Variants in PAK5 observed in about 807,000 individuals in gnomAD.
The protein encoded by PAK5 is serine/threonine-protein kinase PAK 5.
In PAK5, 16 loss-of-function variants were observed where a neutral mutation model predicts 65.9. The ratio of observed to expected loss-of-function variants is 0.24; its 90% CI spans 0.16 to 0.37. PAK5 has a LOEUF of 0.37. PAK5 is among the 10% of genes least tolerant of loss of function. The probability of loss-of-function intolerance (pLI) is 1.00; values close to 1 mark genes in which losing one functional copy is unlikely to be tolerated. For missense variants in PAK5, 785 were observed against 903.9 expected, an observed-to-expected ratio of 0.87 and a Z score of 1.69; for synonymous variants, 371 against 354.9, an observed-to-expected ratio of 1.05 and a Z score of -0.51.
intron 1 of PAK5, among the ~76,000 whole-genome samples, chr20:9,754,317 G>T (rs2423463): frequency 0.52 from 79,470 of 151,866 alleles, 20,987 homozygotes; most frequent in Admixed American, 0.63. Flanking sequence ...GGAGACTGGG[G>T]TTTCTTAAGG....
Position 9,542,593 on chromosome 20 carries a change from A to C in PAK5, c.1997T>G (p.Leu666Arg). 2.5e-6 allele frequency: 4 copies of C among 1,614,136 alleles called. No homozygotes were observed. Among genetic ancestry groups the C allele is most frequent in the Non-Finnish European group, 2.5e-6 (3 of 1,179,980 alleles). Residue 666 changes from leucine (L) to arginine (R), a missense_variant, in exon 9 of 10, where the codon CTA becomes CGA. By Grantham distance (102) the Leu-to-Arg change is moderately radical. This residue lies in a region of PAK5 where 110 missense variants were observed against 107.4 expected (regional missense o/e 1.02). Transcript: ENST00000353224. Reference protein sequence around the residue: ...RDSLPPRVKDLHKVSSVLRGF... With the variant: ...RDSLPPRVKDRHKVSSVLRGF... ...ACAGCTGCTGTTTCTCACCTTGTGT[A>C]GGTCCTTCACTCTTGGAGGTAAACT...
At chr20:9,595,148 A>T (rs1344210366) in intron 3 of PAK5, among the ~76,000 whole-genome samples, 2 of 151,710 alleles carry the variant, frequency 1.3e-5, no homozygotes, top group African/African-American at 4.8e-5. Flanking sequence ...GATAGTATCA[A>T]ATAAAAAAAA....
chr20:9,651,537 T>C (rs1012095856), intron 2 of PAK5, among the ~76,000 whole-genome samples: 27 of 152,228 alleles, frequency 1.8e-4, no homozygotes, highest in Non-Finnish European at 2.9e-5. Context: ...TTAAGGTTAA[T>C]GACATGGATG....
intron 3 of PAK5, among the ~76,000 whole-genome samples, chr20:9,613,261 G>C (rs781271358): frequency 1.3e-5 from 2 of 152,250 alleles, no homozygotes; most frequent in Admixed American, 6.5e-5. Flanking sequence ...TCTTAGTTCT[G>C]TCAGAGAAGT....
intron 1 of PAK5, among the ~76,000 whole-genome samples, chr20:9,777,601 G>C (rs897118182): frequency 1.3e-5 from 2 of 152,108 alleles, no homozygotes; most frequent in Non-Finnish European, 2.9e-5. Flanking sequence ...CATAAGAAGA[G>C]ACTTATACAA....
intron 2 of PAK5, among the ~76,000 whole-genome samples, chr20:9,690,753 T>TCTTTC (rs201074141): frequency 2.2e-5 from 2 of 91,804 alleles, no homozygotes; most frequent in South Asian, 3.1e-4. Flanking sequence ...TTTCTTTCTT[T>TCTTTC]TTTTTTTTTT....
intron 3 of PAK5, among the ~76,000 whole-genome samples, chr20:9,604,829 C>A (rs560694906): frequency 3.9e-5 from 6 of 152,262 alleles, no homozygotes; most frequent in African/African-American, 1.4e-4. Flanking sequence ...GCTAGGCATT[C>A]TATGGCAGGG....
chr20:9,740,227 C>A (rs1282693468), intron 1 of PAK5, among the ~76,000 whole-genome samples: 2 of 152,150 alleles, frequency 1.3e-5, no homozygotes, highest in South Asian at 4.1e-4. Flanking sequence ...GGTGCTCGCA[C>A]AACCGAAGGA....
intron 7 of PAK5, among the ~76,000 whole-genome samples, chr20:9,550,288 T>C (rs1483852959): frequency 6.6e-6 from 1 of 152,244 alleles, no homozygotes; most frequent in Admixed American, 6.5e-5. Context: ...AACTGTGATG[T>C]ACAGCAGAGG....
intron 3 of PAK5, among the ~76,000 whole-genome samples, chr20:9,600,755 T>C (rs1423480868): frequency 1.3e-5 from 2 of 152,178 alleles, no homozygotes; most frequent in Non-Finnish European, 2.9e-5. Flanking sequence ...CCCTGCAGAG[T>C]CTTCCACTGG....
At chr20:9,752,261 A>G (rs2048585530) in intron 1 of PAK5, among the ~76,000 whole-genome samples, 1 of 152,132 alleles carries the variant, frequency 6.6e-6, no homozygotes, top group Middle Eastern at 3.2e-3. Flanking sequence ...AGGTTCCAGG[A>G]CTTCTAAGGA....
At chr20:9,743,930 C>T (rs900699420) in intron 1 of PAK5, among the ~76,000 whole-genome samples, 13 of 152,010 alleles carry the variant, frequency 8.6e-5, no homozygotes, top group African/African-American at 3.1e-4. Flanking sequence ...TCCAGGTGTA[C>T]CCTAAATACC....
intron 1 of PAK5, among the ~76,000 whole-genome samples, chr20:9,813,095 T>C (rs536222431): frequency 6.6e-6 from 1 of 152,206 alleles, no homozygotes; most frequent in African/African-American, 2.4e-5. Flanking sequence ...TATAGATGAA[T>C]CCCAAAATAA....
chr20:9,822,834 AC>A (rs1176071180), intron 1 of PAK5, among the ~76,000 whole-genome samples: 4 of 152,222 alleles, frequency 2.6e-5, no homozygotes, highest in Non-Finnish European at 5.9e-5. Context: ...ACAGCCTTCA[AC>A]TAATGACTGA....
chr20:9,608,895 T>C (rs903929288), intron 3 of PAK5, among the ~76,000 whole-genome samples: 2 of 152,200 alleles, frequency 1.3e-5, no homozygotes, highest in Non-Finnish European at 2.9e-5. Flanking sequence ...CAGCTGGTGA[T>C]GGCAACAAGA....
chr20:9,567,022 G>A (rs1568968302), intron 4 of PAK5, among the ~76,000 whole-genome samples: 1 of 152,146 alleles, frequency 6.6e-6, no homozygotes, highest in Non-Finnish European at 1.5e-5. Context: ...AGGAGAATGG[G>A]GAAGCCAGTG....
intron 7 of PAK5, among the ~76,000 whole-genome samples, chr20:9,556,715 T>C (rs76530181): frequency 2.0e-4 from 30 of 152,318 alleles, no homozygotes; most frequent in African/African-American, 7.2e-4. Flanking sequence ...TTCAGCAGAA[T>C]CCCTTGCACA....
chr20:9,716,913 G>A (rs1268290340), intron 1 of PAK5, among the ~76,000 whole-genome samples: 2 of 151,790 alleles, frequency 1.3e-5, no homozygotes, highest in African/African-American at 4.8e-5. Context: ...GCGAAACCCC[G>A]TCTCCACAGA....
At chr20:9,679,430 A>G (rs1220556712) in intron 2 of PAK5, among the ~76,000 whole-genome samples, 1 of 152,160 alleles carries the variant, frequency 6.6e-6, no homozygotes, top group East Asian at 1.9e-4. Flanking sequence ...GATTCTTGGT[A>G]CATGCCTTAT....
Sources: allele counts gnomAD v4.1 joint callset (sites outside exome capture counted in the v4.1 genomes callset), GRCh38; gene constraint gnomAD v4.1.1; regional missense constraint gnomAD v4.1.1; transcripts MANE v1.5; gene names NCBI Gene and HGNC (gene_info 2026-07-23, HGNC 2026-07-21).